The following AHSA1 variants were observed in gnomAD, a reference collection of about 807,000 sequenced individuals.
The protein encoded by AHSA1 is activator of HSP90 ATPase activity 1.
AHSA1 carries 14 observed loss-of-function variants against 46.1 expected under a neutral mutation model. That is an observed-to-expected ratio of 0.30 (90% confidence interval 0.20 to 0.47). AHSA1 has a LOEUF of 0.47. Ranked by LOEUF, AHSA1 falls within the 20% of genes least tolerant of loss-of-function variation. AHSA1 has a pLI of 0.99. For synonymous variants in AHSA1, 147 were observed against 145.8 expected, an observed-to-expected ratio of 1.01 and a Z score of -0.06; for missense variants, 333 against 415.9, an observed-to-expected ratio of 0.80 and a Z score of 1.73.
intron 8 of AHSA1, 43 bp downstream of exon 8, chr14:77,468,551 T>A: frequency 4.6e-6 from 7 of 1,516,820 alleles, no homozygotes; most frequent in Non-Finnish European, 6.3e-6. Flanking sequence ...GAACTTTTTC[T>A]CTTTGCTGTA....
chr14:77,460,572 CTTTT>C (rs35050436), intron 2 of AHSA1, among the ~76,000 whole-genome samples: 2 of 144,282 alleles, frequency 1.4e-5, no homozygotes, highest in Non-Finnish European at 3.0e-5. Context: ...CTCAGACCTC[CTTTT>C]TTTTTTTTTA....
chr14:77,466,599 C>T (rs533542155), intron 6 of AHSA1, among the ~76,000 whole-genome samples: 4 of 152,314 alleles, frequency 2.6e-5, no homozygotes, highest in African/African-American at 4.8e-5. Context: ...TATGTCTGTG[C>T]GCCTGCACCC....
chr14:77,463,453 G>A (rs896389972), intron 4 of AHSA1, among the ~76,000 whole-genome samples: 1 of 151,930 alleles, frequency 6.6e-6, no homozygotes, highest in East Asian at 1.9e-4. Flanking sequence ...GGGCATGGTG[G>A]TGCATGCTTG....
chr14:77,466,793 C>T (rs1460470987), intron 6 of AHSA1, among the ~76,000 whole-genome samples: 2 of 152,216 alleles, frequency 1.3e-5, no homozygotes, highest in Non-Finnish European at 2.9e-5. Flanking sequence ...AGACTGCATT[C>T]GATGGCTAAC....
At chr14:77,468,365 G>A in intron 7 of AHSA1, 92 bp from the exon 8 acceptor site, 1 of 1,307,562 alleles carries the variant, frequency 7.6e-7, no homozygotes, top group Non-Finnish European at 1.1e-6. Context: ...TGCACAGATG[G>A]TAGACTCCGT....
At chr14:77,465,780 G>A in intron 6 of AHSA1, 113 bp downstream of exon 6, 2 of 1,071,696 alleles carry the variant, frequency 1.9e-6, no homozygotes, top group Non-Finnish European at 2.6e-6. Context: ...CTCACAACTG[G>A]AGCCATGAGG....
In AHSA1 at chr14:77,465,660, C is replaced by T; in HGVS notation, c.683C>T (p.Thr228Ile). 1 of 1,613,392 alleles carries T rather than the reference C, an allele frequency of 6.2e-7. No individual in the cohort carries two copies. Among genetic ancestry groups the T allele is most frequent in the Non-Finnish European group, 8.5e-7 (1 of 1,179,440 alleles). The change falls in exon 6 of 9, where the codon ACC becomes ATC. Residue 228 changes from threonine to isoleucine, a missense_variant. By Grantham distance (89) the Thr-to-Ile change is moderately conservative. Coordinates refer to ENST00000216479, the MANE Select transcript of AHSA1 (RefSeq NM_012111.3). ...SPEELYRVFT[T>I]QELVQAFTHA... Reference sequence around the variant, plus strand: ...GAGGAGCTCTATAGAGTGTTTACCACCCAAGAGGTAAGTAAGTCTTGTCCT... The same window carrying T: ...GAGGAGCTCTATAGAGTGTTTACCATCCAAGAGGTAAGTAAGTCTTGTCCT...
intron 6 of AHSA1, among the ~76,000 whole-genome samples, chr14:77,466,737 T>C (rs1436862503): frequency 1.3e-5 from 2 of 152,218 alleles, no homozygotes; most frequent in Admixed American, 1.3e-4. Flanking sequence ...CTTCAGAAAG[T>C]TATCTTAGTT....
intron 8 of AHSA1, 23 bp from the exon 9 acceptor site, chr14:77,469,054 T>G (rs1481613979): frequency 6.2e-7 from 1 of 1,612,318 alleles, no homozygotes; most frequent in Non-Finnish European, 8.5e-7. Context: ...ATATGAAACC[T>G]CCGTCCCCTC....
chr14:77,457,941 C>G (rs1236936284), upstream of AHSA1: 2 of 513,590 alleles, frequency 3.9e-6, no homozygotes, highest in African/African-American at 2.0e-5. Context: ...TGGGGAGAAC[C>G]CGATGGAGTC....
chr14:77,460,245 T>A (rs2079015675), intron 2 of AHSA1: 1 of 206,582 alleles, frequency 4.8e-6, no homozygotes, highest in African/African-American at 2.3e-5. Flanking sequence ...TGGGGCTGTT[T>A]TATCTATCTT....
chr14:77,468,613 A>G, intron 8 of AHSA1, 105 bp downstream of exon 8: 1 of 1,009,750 alleles, frequency 9.9e-7, no homozygotes, highest in Non-Finnish European at 1.5e-6. Context: ...CTCAGGCTAG[A>G]GTGCAGTGGC....
Position 77,469,319 on chromosome 14 carries a change from TCA to T in AHSA1, c.*73_*74del, listed in dbSNP as rs1491151140. 5.1e-6 allele frequency: 8 copies of T among 1,557,602 alleles called. No homozygotes were observed. The highest frequency in any genetic ancestry group is 7.0e-6 in the Non-Finnish European group (8 of 1,147,330). ...CTCTCTCCTGACTGGGGCTTGCGAC[TCA>T]CAGGATTGCATCGTCCCAGCTGCTA... On this transcript the variant is annotated 3_prime_UTR_variant, in exon 9 of 9. Coordinates refer to ENST00000216479, the MANE Select transcript of AHSA1 (RefSeq NM_012111.3).
intron 2 of AHSA1, among the ~76,000 whole-genome samples, chr14:77,461,126 T>TC (rs2079021978): frequency 1.3e-5 from 2 of 151,916 alleles, no homozygotes; most frequent in Admixed American, 1.3e-4. Context: ...ACCGTTGCAC[T>TC]CCAGCCTGGG....
In AHSA1 at chr14:77,468,197, C is replaced by T. The variant is rs112268529; in HGVS notation, c.792+13C>T. On this transcript the variant is annotated intron_variant, in intron 7 of 8. Transcript: ENST00000216479. Reference sequence around the variant, plus strand: ...ATTTACTGATCTGGTGAGTACCTGCCGGCCCTAGACTCAGGTTATTGCCTC... The same window carrying T: ...ATTTACTGATCTGGTGAGTACCTGCTGGCCCTAGACTCAGGTTATTGCCTC... 1.2e-4 allele frequency: 175 copies of T among 1,513,402 alleles called. 1 individual carries two copies. The South Asian group carries it at 1.5e-3, about 13-fold the overall frequency. The allele number at this position is 1,513,402 out of a possible 1,614,324, so 93.7% of individuals were successfully genotyped here.
chr14:77,458,251 A>G lies in AHSA1; in HGVS notation c.62A>G (p.Asn21Ser). Residue 21 changes from asparagine to serine, a missense_variant, in exon 1 of 9, where the codon AAC becomes AGC. Physicochemically the swap from Asn to Ser is conservative, Grantham distance 46. Coordinates refer to ENST00000216479, the MANE Select transcript of AHSA1 (RefSeq NM_012111.3). ...GTGGAGGAGCGGGCGGACGCCACCA[A>G]CGTCAACAACTGGCACTGGTGAGGG... ...WIVEERADATNVNNWHWTERD... is the reference protein window; with the variant it reads ...WIVEERADATSVNNWHWTERD... 1.3e-6 allele frequency: 2 copies of G among 1,547,810 alleles called. No individual in the cohort carries two copies. Among genetic ancestry groups the G allele is most frequent in the Non-Finnish European group, 1.7e-6 (2 of 1,145,778 alleles).
chr14:77,463,657 A>G (rs1423270142), intron 4 of AHSA1, among the ~76,000 whole-genome samples: 5 of 152,080 alleles, frequency 3.3e-5, no homozygotes, highest in African/African-American at 1.2e-4. Context: ...GCGCTAATCT[A>G]AAGACTTGGC....
intron 6 of AHSA1, 90 bp from the exon 7 acceptor site, chr14:77,467,993 G>A: frequency 2.2e-6 from 2 of 896,920 alleles, no homozygotes; most frequent in Non-Finnish European, 1.6e-6. Flanking sequence ...GTTGAGGCAT[G>A]CAGCCTTCAG....
At chr14:77,459,590 T>G (rs1381827650) in intron 1 of AHSA1, 26 bp from the exon 2 acceptor site, 1 of 1,613,034 alleles carries the variant, frequency 6.2e-7, no homozygotes, top group Non-Finnish European at 8.5e-7. Context: ...TGACTGCTGG[T>G]TCATAGCTCT....
Sources: allele counts gnomAD v4.1 joint callset (sites outside exome capture counted in the v4.1 genomes callset), GRCh38; gene constraint gnomAD v4.1.1; transcripts MANE v1.5; gene names NCBI Gene and HGNC (gene_info 2026-07-23, HGNC 2026-07-21).